COG5: variants seen among roughly 807,000 people sequenced by gnomAD.
The protein encoded by COG5 is component of oligomeric golgi complex 5.
A neutral mutation model predicts 110.4 loss-of-function variants in COG5; 86 were observed. The observed-to-expected ratio is 0.78, with a 90% CI of 0.65 to 0.93. The LOEUF (loss-of-function observed/expected upper bound fraction) is 0.93, where lower values mean the gene tolerates loss of function less well. Ranked by LOEUF, COG5 falls within the 40% of genes least tolerant of loss-of-function variation. The pLI, the probability that COG5 is intolerant of heterozygous loss-of-function variation, is 0.00. For synonymous variants in COG5, 360 were observed against 334.6 expected (o/e 1.08, Z -0.83); for missense variants, 1,077 against 987.0 (o/e 1.09, Z -1.22).
At chr7:107,531,990 T>A (rs1404789983) in intron 5 of COG5, among the ~76,000 whole-genome samples, 1 of 152,232 alleles carries the variant, frequency 6.6e-6, no homozygotes, top group Non-Finnish European at 1.5e-5. Context: ...TTTATACATT[T>A]CATGCCCCAG....
In COG5 at chr7:107,415,963, TAC is replaced by T. The variant is rs549299486; in HGVS notation, c.539-3333_539-3332del. On this transcript the variant is annotated intron_variant, in intron 6 of 21. Transcript: ENST00000297135. ...ACGTATGTATGTATGTGTGTGTATATACACACACATACACGTATGTATATATG... is the reference window on the plus strand; with the variant it reads ...ACGTATGTATGTATGTGTGTGTATATACACACATACACGTATGTATATATG... Among the ~76,000 whole-genome samples, 28 of 93,230 alleles carry T rather than the reference TAC, an allele frequency of 3.0e-4. 3 individuals are homozygous for T. The highest frequency in any genetic ancestry group is 1.4e-3 in the South Asian group (4 of 2,936). The allele number at this position is 93,230 out of a possible 152,430, so 61.2% of individuals were successfully genotyped here. A position where few individuals can be genotyped will look rare whatever the true frequency, so the allele number is the denominator to read the frequency against.
intron 10 of COG5, among the ~76,000 whole-genome samples, chr7:107,331,127 G>A (rs1810200639): frequency 2.6e-5 from 4 of 152,184 alleles, no homozygotes; most frequent in African/African-American, 7.2e-5. Context: ...AGATATAATA[G>A]TGAACCGCTT....
chr7:107,413,058 T>C (rs1188714286), intron 6 of COG5, among the ~76,000 whole-genome samples: 1 of 151,956 alleles, frequency 6.6e-6, no homozygotes, highest in Non-Finnish European at 1.5e-5. Flanking sequence ...CAGGCTGGAG[T>C]GTAGTGGCTT....
chr7:107,286,975 C>T (rs1192619238), intron 12 of COG5, among the ~76,000 whole-genome samples: 4 of 152,104 alleles, frequency 2.6e-5, no homozygotes, highest in African/African-American at 9.7e-5. Context: ...AGACATATCT[C>T]TAAGTAAAAA....
chr7:107,344,535 T>C (rs1185272289), intron 10 of COG5, among the ~76,000 whole-genome samples: 1 of 152,200 alleles, frequency 6.6e-6, no homozygotes. Flanking sequence ...TATTTATTTA[T>C]TTATTTTAGA....
At chr7:107,247,255 G>T (rs1351031373) in intron 17 of COG5, among the ~76,000 whole-genome samples, 1 of 152,046 alleles carries the variant, frequency 6.6e-6, no homozygotes, top group African/African-American at 2.4e-5. Context: ...GAGCAGAAAT[G>T]ATAACTACAG....
At chr7:107,415,145 C>T (rs562718151) in intron 6 of COG5, among the ~76,000 whole-genome samples, 1 of 152,124 alleles carries the variant, frequency 6.6e-6, no homozygotes, top group Non-Finnish European at 1.5e-5. Flanking sequence ...AATGTTAGCA[C>T]TAAATTATTT....
At chr7:107,242,285 G>C (rs1801704534) in intron 17 of COG5, among the ~76,000 whole-genome samples, 2 of 152,184 alleles carry the variant, frequency 1.3e-5, no homozygotes, top group Admixed American at 6.5e-5. Flanking sequence ...TCACCCGGGA[G>C]CAACACAGAG....
chr7:107,229,522 G>C (rs910068465), intron 19 of COG5, among the ~76,000 whole-genome samples: 1 of 152,156 alleles, frequency 6.6e-6, no homozygotes, highest in Non-Finnish European at 1.5e-5. Flanking sequence ...TAAATAAACA[G>C]CCATATGAAT....
intron 6 of COG5, among the ~76,000 whole-genome samples, chr7:107,482,374 G>A (rs980695244): frequency 4.0e-5 from 6 of 151,860 alleles, no homozygotes; most frequent in African/African-American, 1.5e-4. Context: ...TCAAACTCCT[G>A]GTCTCAAGCA....
intron 14 of COG5, among the ~76,000 whole-genome samples, chr7:107,266,682 T>C (rs1474753969): frequency 6.6e-6 from 1 of 152,156 alleles, no homozygotes; most frequent in Non-Finnish European, 1.5e-5. Context: ...CTTTTTTTGA[T>C]ACTCTTCCCT....
chr7:107,394,111 G>A (rs1164205847), intron 7 of COG5, among the ~76,000 whole-genome samples: 1 of 151,694 alleles, frequency 6.6e-6, no homozygotes, highest in Non-Finnish European at 1.5e-5. Flanking sequence ...ACAGGCACCC[G>A]CCACCACGCC....
chr7:107,386,170 T>C (rs905528100), intron 7 of COG5, among the ~76,000 whole-genome samples: 6 of 149,384 alleles, frequency 4.0e-5, no homozygotes, highest in African/African-American at 1.5e-4. Context: ...GCAAGGGTAA[T>C]TAACATAGGA....
chr7:107,402,278 A>G (rs1267977184), intron 7 of COG5, among the ~76,000 whole-genome samples: 3 of 152,154 alleles, frequency 2.0e-5, no homozygotes, highest in Non-Finnish European at 4.4e-5. Flanking sequence ...AGTTACTATC[A>G]CTAGCAACAA....
intron 6 of COG5, among the ~76,000 whole-genome samples, chr7:107,492,630 A>G (rs1798041869): frequency 6.6e-6 from 1 of 152,196 alleles, no homozygotes; most frequent in Non-Finnish European, 1.5e-5. Flanking sequence ...ACCTTGGCTT[A>G]TGATCTCCTT....
chr7:107,451,404 C>A (rs12539895), intron 6 of COG5, among the ~76,000 whole-genome samples: 22,794 of 152,164 alleles, frequency 0.15, 2,105 homozygotes, highest in Non-Finnish European at 0.2. Context: ...CTTTTGACTT[C>A]TTTTATAACA....
At chr7:107,498,133 C>G (rs554385378) in intron 6 of COG5, among the ~76,000 whole-genome samples, 1 of 152,256 alleles carries the variant, frequency 6.6e-6, no homozygotes, top group Admixed American at 6.5e-5. Flanking sequence ...AAAATCAACT[C>G]AGAATGGCTT....
intron 12 of COG5, among the ~76,000 whole-genome samples, chr7:107,295,101 AT>A (rs1186745330): frequency 0.012 from 548 of 45,394 alleles, 4 homozygotes; most frequent in Non-Finnish European, 0.017. Context: ...ATATATATAT[AT>A]TTTTTTTTTT....
chr7:107,308,048 A>C (rs1562961610), intron 11 of COG5, among the ~76,000 whole-genome samples: 1 of 152,150 alleles, frequency 6.6e-6, no homozygotes, highest in Non-Finnish European at 1.5e-5. Context: ...TAAATAGTTC[A>C]CCTATTATAA....
Sources: allele counts gnomAD v4.1 joint callset (sites outside exome capture counted in the v4.1 genomes callset), GRCh38; gene constraint gnomAD v4.1.1; transcripts MANE v1.5; gene names NCBI Gene and HGNC (gene_info 2026-07-23, HGNC 2026-07-21).